The following RABEP1 variants were observed in gnomAD, a reference collection of about 807,000 sequenced individuals.
RABEP1 encodes rab GTPase-binding effector protein 1.
A neutral mutation model predicts 123.4 loss-of-function variants in RABEP1; 51 were observed. The ratio of observed to expected loss-of-function variants is 0.41; its 90% confidence interval spans 0.33 to 0.52. The LOEUF is 0.52. RABEP1 is among the 20% of genes least tolerant of loss of function. The probability of loss-of-function intolerance (pLI) is 0.16; values close to 1 mark genes in which losing one functional copy is unlikely to be tolerated. For missense variants in RABEP1, 888 were observed against 996.3 expected, an observed-to-expected ratio of 0.89 and a Z score of 1.46; for synonymous variants, 347 against 355.2, an observed-to-expected ratio of 0.98 and a Z score of 0.26.
intron 2 of RABEP1, among the ~76,000 whole-genome samples, chr17:5,317,203 A>C (rs549906067): frequency 3.2e-4 from 48 of 152,346 alleles, no homozygotes; most frequent in African/African-American, 1.1e-3. Flanking sequence ...CTCACAAAAG[A>C]ACTAGCAAAT....
At chr17:5,340,193 G>A (rs753173076) in intron 5 of RABEP1, among the ~76,000 whole-genome samples, 3 of 152,218 alleles carry the variant, frequency 2.0e-5, no homozygotes, top group Non-Finnish European at 2.9e-5. Context: ...CGGTATCCAA[G>A]AGTGAGATGG....
rs12150675 is a variant in RABEP1, at chr17:5,369,994, C to T, written c.1884+1526C>T. 8.5e-5 allele frequency among the ~76,000 whole-genome samples: 13 copies of T among 152,268 alleles called. No homozygotes were observed. In the East Asian group the frequency reaches 1.2e-3, roughly 14 times the overall value. On this transcript the variant is annotated intron_variant, in intron 12 of 17. Transcript: ENST00000537505. ...GATTACAGGCATGAGCCACTGTGCC[C>T]GGCCTCCTTCTTGTCTCTTAAAACC...
intron 16 of RABEP1, 83 bp from the exon 17 acceptor site, chr17:5,381,306 T>TAG (rs1911431114): frequency 1.3e-6 from 2 of 1,551,040 alleles, no homozygotes; most frequent in African/African-American, 2.7e-5. Context: ...TCTGCCCTAG[T>TAG]AGTAGGTAAC....
chr17:5,347,037 C>A, intron 6 of RABEP1, 112 bp downstream of exon 6: 1 of 922,008 alleles, frequency 1.1e-6, no homozygotes, highest in Non-Finnish European at 1.5e-6. Flanking sequence ...GTTAGTGATT[C>A]AATTTAAGCC....
intron 5 of RABEP1, among the ~76,000 whole-genome samples, chr17:5,343,544 G>T (rs1458795653): frequency 6.6e-6 from 1 of 151,946 alleles, no homozygotes; most frequent in Non-Finnish European, 1.5e-5. Flanking sequence ...CGGGAGACAG[G>T]TTTATTTCTA....
At position 5,380,411 on chromosome 17, in the gene RABEP1, G is replaced by C; in HGVS notation, c.2319G>C (p.Gln773His). The C allele has an allele frequency of 6.4e-7, 1 of 1,573,480 alleles. No individual in the cohort carries two copies. The highest frequency in any genetic ancestry group is 1.2e-5 in the South Asian group (1 of 85,438). Residue 773 changes from glutamine to histidine, a missense_variant, in exon 16 of 18, where the codon CAG (glutamine) becomes CAC (histidine). Coordinates refer to ENST00000537505, the MANE Select transcript of RABEP1 (RefSeq NM_004703.6). ...REKSQQLESL[Q>H]EIKISLEEQL... ...AGTCTCAACAGCTTGAGAGTCTTCAGGAAATAAAGATCAGTTTGGAAGAGC... is the reference window on the plus strand; with the variant it reads ...AGTCTCAACAGCTTGAGAGTCTTCACGAAATAAAGATCAGTTTGGAAGAGC...
At position 5,338,119 on chromosome 17, in the gene RABEP1, A is replaced by T. The variant is rs776089053; in HGVS notation, c.629A>T (p.Lys210Ile). The T allele has an allele frequency of 3.7e-6, 6 of 1,613,338 alleles. No homozygotes were observed. Among genetic ancestry groups the T allele is most frequent in the Non-Finnish European group, 5.1e-6 (6 of 1,179,524 alleles). ...DKLTEAEDKIKELEASKVKEL... is the reference protein window; with the variant it reads ...DKLTEAEDKIIELEASKVKEL... Reference sequence around the variant, plus strand: ...CTGACAGAGGCTGAAGACAAAATTAAAGAGCTGGAGGCCTCAAAGGTTATG... The same window carrying T: ...CTGACAGAGGCTGAAGACAAAATTATAGAGCTGGAGGCCTCAAAGGTTATG... The change falls in exon 5 of 18, where the codon AAA becomes ATA. Residue 210 changes from lysine to isoleucine, a missense_variant. Lys to Ile is a moderately radical substitution (Grantham distance 102). Transcript: ENST00000537505.
intron 7 of RABEP1, 103 bp downstream of exon 7, chr17:5,350,732 A>G: frequency 2.6e-6 from 3 of 1,171,880 alleles, no homozygotes; most frequent in Non-Finnish European, 3.6e-6. Context: ...AAGCTGCAAC[A>G]AGGTGATAAA....
At position 5,383,363 on chromosome 17, in the gene RABEP1, G is replaced by A; in HGVS notation, c.*140G>A. 1 of 712,908 alleles carries A rather than the reference G, an allele frequency of 1.4e-6. No individual in the cohort carries two copies. The highest frequency in any genetic ancestry group is 2.4e-6 in the Non-Finnish European group (1 of 421,908). The allele number at this position is 712,908 out of a possible 1,614,324, so 44.2% of individuals were successfully genotyped here. On this transcript the variant is annotated 3_prime_UTR_variant, in exon 18 of 18. Transcript: ENST00000537505. ...CTGGAGAAATGCTTACTTCTAGAGG[G>A]AGAAGACTGTGCGGCACAGGAAACA... is the stretch of plus-strand genomic sequence containing the variant.
chr17:5,326,384 A>G (rs1399651921), intron 2 of RABEP1, among the ~76,000 whole-genome samples: 2 of 152,172 alleles, frequency 1.3e-5, no homozygotes, highest in African/African-American at 2.4e-5. Context: ...AAAGAAGGCA[A>G]TTTGAAAAGG....
At position 5,377,395 on chromosome 17, in the gene RABEP1, C is replaced by T. The variant is rs3026102; in HGVS notation, c.2215+90C>T. 1.0e-3 allele frequency: 1,023 copies of T among 1,014,398 alleles called. 10 individuals carry two copies. The African/African-American group carries it at 0.015, about 15-fold the overall frequency. The allele number at this position is 1,014,398 out of a possible 1,614,324, so 62.8% of individuals were successfully genotyped here. On this transcript the variant is annotated intron_variant, in intron 14 of 17. Coordinates refer to ENST00000537505, the MANE Select transcript of RABEP1 (RefSeq NM_004703.6). ...ATACATGGCCATGGAGTCTGGAACA[C>T]AGAAAAGCTTAGGAAAGAATTTAGT...
intron 4 of RABEP1, 135 bp downstream of exon 4, chr17:5,335,479 C>G (rs1906985159): frequency 4.1e-6 from 3 of 739,852 alleles, no homozygotes; most frequent in Non-Finnish European, 6.5e-6. Flanking sequence ...CAGACCTAAA[C>G]ATAGTACTAA....
At chr17:5,379,431 G>T (rs1454280631) in intron 15 of RABEP1, among the ~76,000 whole-genome samples, 1 of 152,012 alleles carries the variant, frequency 6.6e-6, no homozygotes, top group Non-Finnish European at 1.5e-5. Flanking sequence ...CTCATATTCA[G>T]AAGGAAAAAG....
chr17:5,310,701 C>T (rs1451567784), intron 2 of RABEP1, among the ~76,000 whole-genome samples: 2 of 152,084 alleles, frequency 1.3e-5, no homozygotes, highest in Admixed American at 6.6e-5. Flanking sequence ...GCTTTATAGC[C>T]GAAATTTTAC....
chr17:5,373,295 G>A lies in RABEP1; in HGVS notation c.1885-19G>A. On this transcript the variant is annotated intron_variant, in intron 12 of 17. Transcript: ENST00000537505. ...GGATCTACCTTTCTGGCTGTGATTA[G>A]TATCTACTTCTATTTTAGGCGGTGC... 3 of 1,607,844 alleles carry A rather than the reference G, an allele frequency of 1.9e-6. No homozygotes were observed. The highest frequency in any genetic ancestry group is 1.1e-5 in the South Asian group (1 of 90,000).
At chr17:5,329,018 A>AATT in intron 2 of RABEP1, among the ~76,000 whole-genome samples, 1 of 97,928 alleles carries the variant, frequency 1.0e-5, no homozygotes, top group African/African-American at 4.3e-5. Flanking sequence ...ATTCAGAAAG[A>AATT]CTTTTTTTTT....
At chr17:5,379,317 G>C (rs1911255641) in intron 15 of RABEP1, among the ~76,000 whole-genome samples, 1 of 152,176 alleles carries the variant, frequency 6.6e-6, no homozygotes, top group African/African-American at 2.4e-5. Flanking sequence ...TAGGTGCTTT[G>C]ACTGAGTATC....
intron 1 of RABEP1, among the ~76,000 whole-genome samples, chr17:5,289,881 C>G (rs1189153453): frequency 6.6e-6 from 1 of 152,168 alleles, no homozygotes; most frequent in Non-Finnish European, 1.5e-5. Context: ...CTTTGTCACT[C>G]TGATATCCCA....
At chr17:5,318,213 T>C (rs963524423) in intron 2 of RABEP1, among the ~76,000 whole-genome samples, 2 of 152,186 alleles carry the variant, frequency 1.3e-5, no homozygotes, top group African/African-American at 2.4e-5. Flanking sequence ...AGCTTACAAT[T>C]GATATCAGAA....
Sources: allele counts gnomAD v4.1 joint callset (sites outside exome capture counted in the v4.1 genomes callset), GRCh38; gene constraint gnomAD v4.1.1; transcripts MANE v1.5; gene names NCBI Gene and HGNC (gene_info 2026-07-23, HGNC 2026-07-21).